Variants in BCAS3 observed in about 807,000 individuals in gnomAD.
BCAS3 encodes BCAS3 microtubule associated cell migration factor.
In BCAS3, 53 loss-of-function variants were observed where a neutral mutation model predicts 116.1. That is an observed-to-expected ratio of 0.46 (90% confidence interval 0.37 to 0.57). BCAS3 has a LOEUF of 0.57. Among genes scored for constraint, BCAS3 ranks in the 20% least tolerant of loss-of-function variants. BCAS3 has a pLI of 0.00. For synonymous variants in BCAS3, 391 were observed against 408.2 expected, an observed-to-expected ratio of 0.96 and a Z score of 0.51; for missense variants, 917 against 1,165.4, an observed-to-expected ratio of 0.79 and a Z score of 3.10.
chr17:60,693,423 T>A (rs146860058), intron 4 of BCAS3, among the ~76,000 whole-genome samples: 5 of 151,874 alleles, frequency 3.3e-5, no homozygotes, highest in African/African-American at 1.2e-4. Context: ...TTGTATTTTT[T>A]TTTTTGACAG....
At chr17:60,691,589 GT>G (rs1052427609) in intron 4 of BCAS3, among the ~76,000 whole-genome samples, 1 of 151,964 alleles carries the variant, frequency 6.6e-6, no homozygotes, top group African/African-American at 2.4e-5. Flanking sequence ...AATTGTTTTT[GT>G]TTGTTTATTT....
In BCAS3 at chr17:61,188,840, G is replaced by A. The variant is rs141135036; in HGVS notation, c.2425+104276G>A. Among the ~76,000 whole-genome samples, 209 of 152,338 alleles carry A rather than the reference G, an allele frequency of 1.4e-3. No homozygotes were observed. The highest frequency in any genetic ancestry group is 4.8e-3 in the African/African-American group (200 of 41,574). On this transcript the variant is annotated intron_variant, in intron 22 of 23. Transcript: ENST00000407086. The surrounding 1 kb of genome is among the most constrained non-coding windows in gnomAD (Gnocchi z 4.0). ...AAGAATGGCATACTTGCCGGGCATG[G>A]TGGCTCATGCCTATAATCCCAGCAC...
At chr17:61,288,319 G>A (rs2052035230) in intron 22 of BCAS3, among the ~76,000 whole-genome samples, 1 of 152,074 alleles carries the variant, frequency 6.6e-6, no homozygotes, top group Admixed American at 6.6e-5. Context: ...ATCTTTGTCA[G>A]TCTTACTTCT....
At chr17:61,322,253 A>G (rs977283980) in intron 22 of BCAS3, among the ~76,000 whole-genome samples, 4 of 152,144 alleles carry the variant, frequency 2.6e-5, no homozygotes, top group African/African-American at 9.7e-5. Flanking sequence ...TCCTCAGATT[A>G]GTATTGGGAG....
Position 60,960,581 on chromosome 17 carries a change from G to A in BCAS3, c.1221+13229G>A, listed in dbSNP as rs543590274. ...TGAGGCACTGCCCTCCTGGACTGCG[G>A]CTTCATTTTCTGGGCCTGTGGCTCT... is the stretch of plus-strand genomic sequence containing the variant. On this transcript the variant is annotated intron_variant, in intron 14 of 23. Coordinates refer to ENST00000407086, the MANE Select transcript of BCAS3 (RefSeq NM_017679.5). The surrounding 1 kb of genome is among the most constrained non-coding windows in gnomAD (Gnocchi z 4.1). Among the ~76,000 whole-genome samples the A allele has an allele frequency of 3.9e-5, 6 of 152,228 alleles. No individual in the cohort carries two copies. The South Asian group carries it at 1.2e-3, about 32-fold the overall frequency.
At chr17:60,803,313 G>A (rs1394029601) in intron 6 of BCAS3, among the ~76,000 whole-genome samples, 5 of 152,112 alleles carry the variant, frequency 3.3e-5, no homozygotes, top group Non-Finnish European at 7.4e-5. Context: ...TCAGATAGCC[G>A]ATATCAAATC....
intron 5 of BCAS3, among the ~76,000 whole-genome samples, chr17:60,732,283 G>GT (rs1306448796): frequency 6.6e-6 from 1 of 152,112 alleles, no homozygotes; most frequent in Non-Finnish European, 1.5e-5. Flanking sequence ...GTTAGTACAT[G>GT]TGAAACAATT....
chr17:60,711,084 G>A lies in BCAS3; in HGVS notation c.321+1759G>A, dbSNP rs371294406. ...CCTAAAGTGTGGGCATTACAGGCAT[G>A]AGCCACTGTGCCTGGCCAATTCTAT... is the stretch of plus-strand genomic sequence containing the variant. On this transcript the variant is annotated intron_variant, in intron 5 of 23. Transcript: ENST00000407086. Among the ~76,000 whole-genome samples, 8 of 151,806 alleles carry A rather than the reference G, an allele frequency of 5.3e-5. No homozygotes were observed. The East Asian group carries it at 7.7e-4, about 15-fold the overall frequency.
At chr17:60,806,897 A>G (rs2048333207) in intron 6 of BCAS3, among the ~76,000 whole-genome samples, 3 of 151,960 alleles carry the variant, frequency 2.0e-5, no homozygotes, top group East Asian at 1.9e-4. Flanking sequence ...TTCATATTAT[A>G]TTGGTTTTGT....
At chr17:60,974,949 A>C (rs530071563) in intron 14 of BCAS3, among the ~76,000 whole-genome samples, 6 of 149,776 alleles carry the variant, frequency 4.0e-5, no homozygotes, top group African/African-American at 1.5e-4. Flanking sequence ...TATACCTTTT[A>C]CCCATATTAT....
Position 61,013,035 on chromosome 17 carries a change from CT to C in BCAS3, c.1487-2715del, listed in dbSNP as rs2065215458. ...TGGCATCCCTTTATACCACTCTCCC[CT>C]CACGTTATCCTTCATGCCCAGAATA... On this transcript the variant is annotated intron_variant, in intron 15 of 23. Transcript: ENST00000407086. This position sits in a 1 kb window ranked among gnomAD's most constrained non-coding sequence, Gnocchi z 4.4. 2.0e-5 allele frequency among the ~76,000 whole-genome samples: 3 copies of C among 152,068 alleles called. No homozygotes were observed. Among genetic ancestry groups the C allele is most frequent in the African/African-American group, 7.2e-5 (3 of 41,442 alleles).
chr17:60,754,716 CACACACACACACACACACACACACAGAG>C lies in BCAS3; in HGVS notation c.403+7438_403+7465del, dbSNP rs1441627991. On this transcript the variant is annotated intron_variant, in intron 6 of 23. Transcript: ENST00000407086. Reference sequence around the variant, plus strand: ...ACACACACACACACACACACACACACACACACACACACACACACACACACAGAGTCTGTTCAGCCGAAACACTAGCAAG... The same window carrying C: ...ACACACACACACACACACACACACACTCTGTTCAGCCGAAACACTAGCAAG... Among the ~76,000 whole-genome samples the C allele has an allele frequency of 0.036, 656 of 18,296 alleles. 13 individuals are homozygous for C. In the South Asian group the frequency reaches 0.45, roughly 12 times the overall value. The allele number at this position is 18,296 out of a possible 152,430, so 12.0% of individuals were successfully genotyped here.
chr17:60,850,899 A>G (rs894815597), intron 7 of BCAS3, among the ~76,000 whole-genome samples: 14 of 152,232 alleles, frequency 9.2e-5, no homozygotes, highest in African/African-American at 3.4e-4. Flanking sequence ...TGATCTATGC[A>G]TTCAGTGCAA....
intron 22 of BCAS3, among the ~76,000 whole-genome samples, chr17:61,338,181 C>T (rs1345676331): frequency 1.3e-5 from 2 of 152,164 alleles, no homozygotes; most frequent in Non-Finnish European, 2.9e-5. Flanking sequence ...CAGTCTCTGG[C>T]GGGGGCGGTA....
At chr17:61,046,849 A>T (rs1600753876) in intron 19 of BCAS3, among the ~76,000 whole-genome samples, 1 of 152,092 alleles carries the variant, frequency 6.6e-6, no homozygotes, top group East Asian at 1.9e-4. Context: ...GGAAATTATA[A>T]TAATAGTAGA....
chr17:60,919,619 G>A (rs953459651), intron 12 of BCAS3, among the ~76,000 whole-genome samples: 5 of 151,606 alleles, frequency 3.3e-5, no homozygotes, highest in East Asian at 1.9e-4. Context: ...CACCATGCCC[G>A]GCCCACTTCT....
intron 7 of BCAS3, among the ~76,000 whole-genome samples, chr17:60,845,657 C>G (rs2052448647): frequency 6.6e-6 from 1 of 152,194 alleles, no homozygotes; most frequent in Non-Finnish European, 1.5e-5. Context: ...AGATCACAAT[C>G]TGATGGAGAC....
rs141635823 is a variant in BCAS3 at position 60,719,040 on chromosome 17, C to T, written c.321+9715C>T. 6.0e-3 allele frequency among the ~76,000 whole-genome samples: 918 copies of T among 151,954 alleles called. 3 individuals are homozygous for T. Among genetic ancestry groups the T allele is most frequent in the Non-Finnish European group, 8.7e-3 (588 of 67,952 alleles). On this transcript the variant is annotated intron_variant, in intron 5 of 23. Transcript: ENST00000407086. Reference sequence around the variant, plus strand: ...TCGCGCCATTGCACTCCAGCCTGGGCGACAGAGCGAGGCTCTGTCTCAAAA... The same window carrying T: ...TCGCGCCATTGCACTCCAGCCTGGGTGACAGAGCGAGGCTCTGTCTCAAAA...
At chr17:61,052,357 T>C (rs984344339) in intron 19 of BCAS3, among the ~76,000 whole-genome samples, 5 of 152,182 alleles carry the variant, frequency 3.3e-5, no homozygotes, top group African/African-American at 1.2e-4. Context: ...TCATAATTTT[T>C]ATCTCTTGAA....
Sources: gnomAD v4.1 joint callset for allele counts (sites outside exome capture counted in the v4.1 genomes callset) on GRCh38, gnomAD v4.1.1 for gene constraint, Gnocchi (gnomAD v3.1) non-coding constraint, MANE v1.5 for transcripts, NCBI Gene and HGNC (gene_info 2026-07-23, HGNC 2026-07-21) for gene names.